The following RNF180 variants were observed in gnomAD, a reference collection of about 807,000 sequenced individuals.
The protein encoded by RNF180 is E3 ubiquitin-protein ligase RNF180.
Under a neutral mutation model 59.2 loss-of-function variants are expected in RNF180, and 38 were observed. The observed-to-expected ratio is 0.64, with a 90% CI of 0.50 to 0.84. The LOEUF (loss-of-function observed/expected upper bound fraction) is 0.84. Among genes scored for constraint, RNF180 ranks in the 40% least tolerant of loss-of-function variants. The pLI, the probability that RNF180 is intolerant of heterozygous loss-of-function variation, is 0.00. For missense variants in RNF180, 705 were observed against 700.9 expected (o/e 1.01, Z -0.07); for synonymous variants, 262 against 240.3 (o/e 1.09, Z -0.84).
intron 7 of RNF180, among the ~76,000 whole-genome samples, chr5:64,350,699 G>A (rs1745765322): frequency 6.6e-6 from 1 of 152,142 alleles, no homozygotes; most frequent in Non-Finnish European, 1.5e-5. Context: ...TGTCAGGTTT[G>A]TCAAAGATCA....
intron 7 of RNF180, among the ~76,000 whole-genome samples, chr5:64,367,594 T>TA (rs1003877474): frequency 6.1e-4 from 93 of 151,760 alleles, no homozygotes; most frequent in African/African-American, 2.0e-3. Context: ...ACTTAATACA[T>TA]AAAAAATAGG....
Position 64,310,761 on chromosome 5 carries a change from C to A in RNF180, c.1228-14425C>A, listed in dbSNP as rs183352894. Among the ~76,000 whole-genome samples, 351 of 151,946 alleles carry A rather than the reference C, an allele frequency of 2.3e-3. 5 individuals carry two copies. Among genetic ancestry groups the A allele is most frequent in the South Asian group, 4.1e-3 (20 of 4,822 alleles). On this transcript the variant is annotated intron_variant, in intron 5 of 7. Transcript: ENST00000389100. ...GTGACTTCTACTGCCACTCATCTGC[C>A]TCAATCTGGAAGGGGAAAGAGTGTG...
At position 64,372,301 on chromosome 5, in the gene RNF180, G is replaced by C. The variant is rs1052110521; in HGVS notation, c.*2487G>C. The stretch of plus-strand genomic sequence containing the variant: ...CCCATTTATTTTATACTCAGCAGAA[G>C]ACAGGGAAATTTAAATTAGACAAAG... On this transcript the variant is annotated 3_prime_UTR_variant, in exon 8 of 8. Transcript: ENST00000389100. 4 of 151,552 alleles carry C rather than the reference G, an allele frequency of 2.6e-5. No homozygotes were observed. Among genetic ancestry groups the C allele is most frequent in the African/African-American group, 9.7e-5 (4 of 41,312 alleles). 9.4% of individuals were successfully genotyped at this position (151,552 alleles called of 1,614,324 possible). A position where few individuals can be genotyped will look rare whatever the true frequency, so the allele number is the denominator to read the frequency against.
At chr5:64,192,847 G>C (rs1204668521) in intron 1 of RNF180, among the ~76,000 whole-genome samples, 1 of 142,396 alleles carries the variant, frequency 7.0e-6, no homozygotes, top group Non-Finnish European at 1.5e-5. Context: ...GCCAAAATAA[G>C]GGGAGAAAAA....
At chr5:64,358,000 G>C (rs2112597858) in intron 7 of RNF180, among the ~76,000 whole-genome samples, 1 of 151,898 alleles carries the variant, frequency 6.6e-6, no homozygotes, top group South Asian at 2.1e-4. Context: ...ATTTCTCCAA[G>C]AGCTTGTTTT....
intron 4 of RNF180, among the ~76,000 whole-genome samples, chr5:64,215,242 G>C (rs1204415508): frequency 6.6e-6 from 1 of 151,812 alleles, no homozygotes; most frequent in Non-Finnish European, 1.5e-5. Flanking sequence ...GAACCAATAT[G>C]TTTCTGAATA....
chr5:64,315,237 C>T (rs1260752874), intron 5 of RNF180, among the ~76,000 whole-genome samples: 2 of 152,198 alleles, frequency 1.3e-5, no homozygotes, highest in Non-Finnish European at 2.9e-5. Flanking sequence ...TTACAAACTT[C>T]TGACTTTTGC....
At chr5:64,334,456 G>A (rs1432853183) in intron 7 of RNF180, among the ~76,000 whole-genome samples, 1 of 151,850 alleles carries the variant, frequency 6.6e-6, no homozygotes, top group East Asian at 1.9e-4. Flanking sequence ...CCTTTGTAAT[G>A]GTCTGTTGAG....
chr5:64,170,085 G>T (rs1233646152), intron 1 of RNF180, among the ~76,000 whole-genome samples: 4 of 152,194 alleles, frequency 2.6e-5, no homozygotes, highest in Non-Finnish European at 5.9e-5. Flanking sequence ...AAGGCATGAG[G>T]TTGCCTGTGT....
At chr5:64,349,295 T>TTTGTTG (rs531009887) in intron 7 of RNF180, among the ~76,000 whole-genome samples, 2 of 152,036 alleles carry the variant, frequency 1.3e-5, no homozygotes, top group African/African-American at 4.8e-5. Flanking sequence ...AAGAAAGGAT[T>TTTGTTG]TTGTTGTTGT....
chr5:64,254,869 G>C (rs929606570), intron 5 of RNF180, among the ~76,000 whole-genome samples: 4 of 152,120 alleles, frequency 2.6e-5, no homozygotes, highest in African/African-American at 9.7e-5. Flanking sequence ...TGCTTAGAAA[G>C]ACATTTGGTC....
At chr5:64,232,776 G>T (rs2112203292) in intron 5 of RNF180, among the ~76,000 whole-genome samples, 1 of 152,322 alleles carries the variant, frequency 6.6e-6, no homozygotes, top group South Asian at 2.1e-4. Flanking sequence ...TCTACTGTGT[G>T]CCAGGTACTG....
At chr5:64,212,221 C>T in intron 3 of RNF180, 61 bp downstream of exon 3, 1 of 972,074 alleles carries the variant, frequency 1.0e-6, no homozygotes, top group Non-Finnish European at 1.6e-6. Context: ...TTTTTGTCCT[C>T]CTTTTAGAGC....
chr5:64,191,164 A>T (rs1206531715), intron 1 of RNF180, among the ~76,000 whole-genome samples: 1 of 152,238 alleles, frequency 6.6e-6, no homozygotes, highest in Non-Finnish European at 1.5e-5. Flanking sequence ...TATAGAAAAA[A>T]TGAGCAGAAA....
rs536785655 is a variant in RNF180, at chr5:64,288,811, A to T, written c.1228-36375A>T. On this transcript the variant is annotated intron_variant, in intron 5 of 7. Transcript: ENST00000389100. The stretch of plus-strand genomic sequence containing the variant: ...TTGGCCTGAGATGATGGGGTTTTCT[A>T]GATATAGGATCATGTCATCTGCAAA... Among the ~76,000 whole-genome samples, 8 of 152,310 alleles carry T rather than the reference A, an allele frequency of 5.3e-5. No homozygotes were observed. The East Asian group carries it at 1.5e-3, about 29-fold the overall frequency.
intron 1 of RNF180, among the ~76,000 whole-genome samples, chr5:64,195,871 A>G (rs1445435643): frequency 3.3e-5 from 5 of 152,168 alleles, no homozygotes; most frequent in African/African-American, 4.8e-5. Flanking sequence ...GTACACTCCC[A>G]CCATCTCAGA....
intron 7 of RNF180, among the ~76,000 whole-genome samples, chr5:64,365,792 A>G (rs1221713735): frequency 2.0e-5 from 3 of 150,780 alleles, no homozygotes; most frequent in Non-Finnish European, 4.4e-5. Context: ...TATGATTGCA[A>G]CCCCTGCTTT....
intron 1 of RNF180, among the ~76,000 whole-genome samples, chr5:64,190,758 A>G (rs1399855447): frequency 1.3e-5 from 2 of 152,192 alleles, no homozygotes; most frequent in East Asian, 1.9e-4. Context: ...CACAGAGGAA[A>G]GGCCATGTGA....
At chr5:64,352,855 G>A (rs1745870590) in intron 7 of RNF180, among the ~76,000 whole-genome samples, 1 of 151,840 alleles carries the variant, frequency 6.6e-6, no homozygotes, top group Non-Finnish European at 1.5e-5. Context: ...ACAGAAACTG[G>A]CTGAAGACTC....
Sources: gnomAD v4.1 joint callset for allele counts (sites outside exome capture counted in the v4.1 genomes callset) on GRCh38, gnomAD v4.1.1 for gene constraint, MANE v1.5 for transcripts, NCBI Gene and HGNC (gene_info 2026-07-23, HGNC 2026-07-21) for gene names.